The following FANCL variants were observed in gnomAD, a reference collection of about 807,000 sequenced individuals.
FANCL encodes E3 ubiquitin-protein ligase FANCL.
A neutral mutation model predicts 59.4 loss-of-function variants in FANCL; 69 were observed. The ratio of observed to expected loss-of-function variants is 1.16; its 90% CI spans 0.96 to 1.42. The LOEUF (loss-of-function observed/expected upper bound fraction) is 1.42. FANCL is among the 40% of genes most tolerant of loss of function. The pLI is 0.00. For missense variants in FANCL, 519 were observed against 447.2 expected (o/e 1.16, Z -1.45); for synonymous variants, 180 against 147.1 (o/e 1.22, Z -1.62).
chr2:58,237,222 C>A (rs1694105297), intron 1 of FANCL, among the ~76,000 whole-genome samples: 2 of 152,064 alleles, frequency 1.3e-5, no homozygotes, highest in Non-Finnish European at 2.9e-5. Context: ...TATTATTGGT[C>A]ATAAAATTAA....
chr2:58,202,720 TATTAA>T (rs1479765460), intron 6 of FANCL, among the ~76,000 whole-genome samples: 5 of 151,882 alleles, frequency 3.3e-5, no homozygotes, highest in African/African-American at 1.2e-4. Flanking sequence ...AAATGGACCA[TATTAA>T]ATTGTCACAA....
At chr2:58,218,556 T>C (rs1019785096) in intron 5 of FANCL, among the ~76,000 whole-genome samples, 2 of 151,410 alleles carry the variant, frequency 1.3e-5, no homozygotes, top group African/African-American at 4.9e-5. Flanking sequence ...AGAAGTACAT[T>C]GAAGTGGGTG....
At chr2:58,188,181 C>A (rs1008754570) in intron 7 of FANCL, among the ~76,000 whole-genome samples, 5 of 152,128 alleles carry the variant, frequency 3.3e-5, no homozygotes, top group African/African-American at 9.7e-5. Context: ...CTCCACTAAA[C>A]TATCTTTGTA....
chr2:58,227,426 T>G (rs1429355759), intron 3 of FANCL, among the ~76,000 whole-genome samples: 1 of 152,172 alleles, frequency 6.6e-6, no homozygotes, highest in Non-Finnish European at 1.5e-5. Context: ...TAAGTGCAAG[T>G]AGCTCTCAGT....
At chr2:58,194,122 A>C in intron 7 of FANCL, 1 of 424,674 alleles carries the variant, frequency 2.4e-6, no homozygotes, top group Non-Finnish European at 4.8e-6. Flanking sequence ...GATTTCCATG[A>C]TAAAAAAATA....
chr2:58,167,851 G>A (rs547327957), intron 7 of FANCL, among the ~76,000 whole-genome samples: 22 of 152,166 alleles, frequency 1.4e-4, no homozygotes, highest in Non-Finnish European at 2.9e-4. Flanking sequence ...CAATTTCAAC[G>A]AACTTAGGGG....
intron 4 of FANCL, among the ~76,000 whole-genome samples, chr2:58,223,385 G>C (rs1692674766): frequency 6.6e-6 from 1 of 151,888 alleles, no homozygotes; most frequent in African/African-American, 2.4e-5. Context: ...ATATAGTATA[G>C]TACTTCTTTC....
chr2:58,216,334 A>AT (rs1417348940), intron 5 of FANCL, among the ~76,000 whole-genome samples: 3 of 152,154 alleles, frequency 2.0e-5, no homozygotes, highest in Non-Finnish European at 4.4e-5. Flanking sequence ...GAAGAAAATA[A>AT]TATCATCTGG....
At chr2:58,172,070 C>G (rs1686697700) in intron 7 of FANCL, among the ~76,000 whole-genome samples, 1 of 152,246 alleles carries the variant, frequency 6.6e-6, no homozygotes, top group Non-Finnish European at 1.5e-5. Flanking sequence ...ATTGCCCAGG[C>G]TAGCTTAGGA....
rs769572902 is a variant in FANCL, at chr2:58,159,532, A to ACAGT, written c.*229_*232dup. 1.1e-5 allele frequency: 18 copies of ACAGT among 1,613,854 alleles called. No homozygotes were observed. Among genetic ancestry groups the ACAGT allele is most frequent in the Non-Finnish European group, 1.4e-5 (17 of 1,179,820 alleles). The stretch of plus-strand genomic sequence containing the variant: ...TCCATCTTGGTATAAATACACTTCC[A>ACAGT]CAGTCAGCACGGGGATCACAGACTT... On this transcript the variant is annotated 3_prime_UTR_variant, in exon 14 of 14. Transcript: ENST00000233741.
At chr2:58,212,051 G>A (rs1368317799) in intron 5 of FANCL, among the ~76,000 whole-genome samples, 2 of 152,114 alleles carry the variant, frequency 1.3e-5, no homozygotes, top group East Asian at 1.9e-4. Flanking sequence ...CACTCTACTG[G>A]TACCAATTTA....
At chr2:58,232,205 C>G (rs151075064) in intron 1 of FANCL, 93 bp from the exon 2 acceptor site, 182 of 1,040,766 alleles carry the variant, frequency 1.7e-4, no homozygotes, top group Middle Eastern at 8.3e-4. Context: ...ACAATGTTTT[C>G]CTTTATTTTC....
At chr2:58,231,682 T>C (rs1693591661) in intron 2 of FANCL, among the ~76,000 whole-genome samples, 1 of 152,222 alleles carries the variant, frequency 6.6e-6, no homozygotes, top group South Asian at 2.1e-4. Context: ...ACTGAACTGA[T>C]GTGACTCTTC....
chr2:58,201,968 T>TA (rs928930934), intron 6 of FANCL, among the ~76,000 whole-genome samples: 79 of 151,648 alleles, frequency 5.2e-4, no homozygotes, highest in Non-Finnish European at 8.9e-4. Context: ...ATGTTATTAA[T>TA]AAAAAAAATT....
At position 58,213,939 on chromosome 2, in the gene FANCL, A is replaced by G. The variant is rs1691441820; in HGVS notation, c.374+8003T>C. Among the ~76,000 whole-genome samples, 4 of 152,298 alleles carry G rather than the reference A, an allele frequency of 2.6e-5. No individual in the cohort carries two copies. In the South Asian group the frequency reaches 8.3e-4, roughly 32 times the overall value. ...TTGGGGAGAATTTATTAAAGGCTCC[A>G]TATCGGAGCTGCCCTATGGGACAAC... On this transcript the variant is annotated intron_variant, in intron 5 of 13. Transcript: ENST00000233741.
At chr2:58,195,184 C>T (rs1437236606) in intron 7 of FANCL, among the ~76,000 whole-genome samples, 1 of 152,096 alleles carries the variant, frequency 6.6e-6, no homozygotes, top group Non-Finnish European at 1.5e-5. Flanking sequence ...AAAGATTACA[C>T]ATAACAAGAA....
intron 1 of FANCL, among the ~76,000 whole-genome samples, 196 bp downstream of exon 1, chr2:58,241,022 C>A (rs1694485600): frequency 6.6e-6 from 1 of 152,054 alleles, no homozygotes; most frequent in Non-Finnish European, 1.5e-5. Context: ...CCTCGCTCCC[C>A]ATCCAGCGCG....
intron 5 of FANCL, among the ~76,000 whole-genome samples, chr2:58,219,087 A>C (rs1008174919): frequency 7.1e-6 from 1 of 141,638 alleles, no homozygotes; most frequent in African/African-American, 2.6e-5. Context: ...TGATTCTAGG[A>C]AAGGGCAGGA....
At chr2:58,196,337 C>A (rs1011049621) in intron 7 of FANCL, among the ~76,000 whole-genome samples, 1 of 151,830 alleles carries the variant, frequency 6.6e-6, no homozygotes, top group Non-Finnish European at 1.5e-5. Context: ...TGTATCTGAA[C>A]CAAAAGTGAC....
Sources: gnomAD v4.1 joint callset for allele counts (sites outside exome capture counted in the v4.1 genomes callset) on GRCh38, gnomAD v4.1.1 for gene constraint, MANE v1.5 for transcripts, NCBI Gene and HGNC (gene_info 2026-07-23, HGNC 2026-07-21) for gene names.